The following C8orf34 variants were observed in gnomAD, a reference collection of about 807,000 sequenced individuals.
C8orf34 encodes the protein chromosome 8 open reading frame 34, also known as uncharacterized protein C8orf34.
C8orf34 carries 65 observed loss-of-function variants against 68.3 expected under a neutral mutation model. The ratio of observed to expected loss-of-function variants is 0.95; its 90% CI spans 0.78 to 1.17. The LOEUF is 1.17. Ranked by LOEUF, C8orf34 falls within the 50% of genes most tolerant of loss-of-function variation. The pLI, the probability that C8orf34 is intolerant of heterozygous loss-of-function variation, is 0.00. For missense variants in C8orf34, 664 were observed against 655.4 expected, an observed-to-expected ratio of 1.01 and a Z score of -0.14; for synonymous variants, 244 against 241.2, an observed-to-expected ratio of 1.01 and a Z score of -0.11.
chr8:68,756,247 A>AT (rs1268213804), intron 10 of C8orf34, among the ~76,000 whole-genome samples: 2 of 152,044 alleles, frequency 1.3e-5, no homozygotes, highest in Non-Finnish European at 2.9e-5. Context: ...CAGGGACTTT[A>AT]TTTTTCCTAC....
rs541864356 is a variant in C8orf34 at position 68,780,948 on chromosome 8, A to G, written c.1455+4499A>G. Among the ~76,000 whole-genome samples the G allele has an allele frequency of 3.3e-5, 5 of 152,330 alleles. No individual in the cohort carries two copies. In the South Asian group the frequency reaches 8.3e-4, roughly 25 times the overall value. On this transcript the variant is annotated intron_variant, in intron 11 of 13. Transcript: ENST00000518698. Reference sequence around the variant, plus strand: ...TGGAAGCAGTCCATTACATGTATCCAGAGTGGAGTGTGACTTTGTTTGTTT... The same window carrying G: ...TGGAAGCAGTCCATTACATGTATCCGGAGTGGAGTGTGACTTTGTTTGTTT...
At chr8:68,768,185 A>G (rs1270730790) in intron 10 of C8orf34, among the ~76,000 whole-genome samples, 1 of 152,102 alleles carries the variant, frequency 6.6e-6, no homozygotes, top group African/African-American at 2.4e-5. Flanking sequence ...AGCTCCTTCA[A>G]GTTTGTTTAT....
At chr8:68,729,594 G>A (rs1821925106) in intron 10 of C8orf34, among the ~76,000 whole-genome samples, 1 of 151,966 alleles carries the variant, frequency 6.6e-6, no homozygotes, top group Non-Finnish European at 1.5e-5. Flanking sequence ...CTATACATTT[G>A]ATTCCAGGTG....
At position 68,461,594 on chromosome 8, in the gene C8orf34, C is replaced by T. The variant is rs544174255; in HGVS notation, c.608-7098C>T. ...CCCATCAGACTAAGAGCGGATCTCT[C>T]GGCAGAAACTCTACAAGCCAGAAGA... On this transcript the variant is annotated intron_variant, in intron 3 of 13. Coordinates refer to ENST00000518698, the MANE Select transcript of C8orf34 (RefSeq NM_052958.4). Among the ~76,000 whole-genome samples the T allele has an allele frequency of 3.5e-4, 53 of 152,158 alleles. 1 individual carries two copies. The highest frequency in any genetic ancestry group is 5.6e-4 in the Non-Finnish European group (38 of 68,032).
intron 12 of C8orf34, among the ~76,000 whole-genome samples, chr8:68,810,422 G>A (rs1377432883): frequency 6.6e-6 from 1 of 152,294 alleles, no homozygotes; most frequent in East Asian, 1.9e-4. Context: ...GAACCACAGA[G>A]CCCCAAAGAG....
chr8:68,497,274 A>T (rs1024153682), intron 5 of C8orf34, among the ~76,000 whole-genome samples: 2 of 152,322 alleles, frequency 1.3e-5, no homozygotes, highest in African/African-American at 2.4e-5. Context: ...ACATAAAAAG[A>T]TGCTCAGCTT....
chr8:68,402,732 G>C (rs1397659357), intron 1 of C8orf34, among the ~76,000 whole-genome samples: 1 of 152,020 alleles, frequency 6.6e-6, no homozygotes, highest in Non-Finnish European at 1.5e-5. Context: ...AGTTCCTCTT[G>C]ATATTGAGTT....
At chr8:68,658,202 G>GT (rs1006963980) in intron 8 of C8orf34, among the ~76,000 whole-genome samples, 2 of 151,972 alleles carry the variant, frequency 1.3e-5, no homozygotes, top group Non-Finnish European at 2.9e-5. Flanking sequence ...CAATTTACTT[G>GT]TTTTTTCTGT....
At chr8:68,747,463 C>T (rs1293649410) in intron 10 of C8orf34, among the ~76,000 whole-genome samples, 1 of 145,668 alleles carries the variant, frequency 6.9e-6, no homozygotes, top group Non-Finnish European at 1.5e-5. Flanking sequence ...TTGTAGACGA[C>T]ATGATTGTAT....
At chr8:68,794,512 T>A (rs1269624717) in intron 12 of C8orf34, among the ~76,000 whole-genome samples, 17 of 127,360 alleles carry the variant, frequency 1.3e-4, no homozygotes, top group Admixed American at 9.9e-4. Flanking sequence ...TATATTTTTT[T>A]TTTTTTTTTT....
chr8:68,353,138 G>A (rs1006672940), intron 1 of C8orf34, among the ~76,000 whole-genome samples: 4 of 151,992 alleles, frequency 2.6e-5, no homozygotes, highest in African/African-American at 9.7e-5. Flanking sequence ...CATGAGCCTG[G>A]GAGTTTGACA....
intron 8 of C8orf34, among the ~76,000 whole-genome samples, chr8:68,675,424 C>G (rs1348847126): frequency 6.6e-6 from 1 of 151,836 alleles, no homozygotes; most frequent in African/African-American, 2.4e-5. Flanking sequence ...AGTGGAGAGA[C>G]AAAGTTAAAA....
rs562903853 is a variant in C8orf34 at position 68,680,854 on chromosome 8, G to T, written c.1242-28140G>T. On this transcript the variant is annotated intron_variant, in intron 8 of 13. Coordinates refer to ENST00000518698, the MANE Select transcript of C8orf34 (RefSeq NM_052958.4). ...TTTTTCCCCACCCTACTAAGCCTGA[G>T]GGTACTGCAGGAGACCAGGGCGTAT... Among the ~76,000 whole-genome samples, 79 of 152,148 alleles carry T rather than the reference G, an allele frequency of 5.2e-4. 1 individual carries two copies. The South Asian group carries it at 0.016, about 30-fold the overall frequency.
chr8:68,581,687 G>T (rs1817068843), intron 7 of C8orf34, among the ~76,000 whole-genome samples: 1 of 152,172 alleles, frequency 6.6e-6, no homozygotes, highest in Admixed American at 6.6e-5. Context: ...CTACTGCCAA[G>T]TTAGAGCTGT....
At chr8:68,718,222 T>C (rs1821532690) in intron 9 of C8orf34, among the ~76,000 whole-genome samples, 1 of 152,204 alleles carries the variant, frequency 6.6e-6, no homozygotes, top group Non-Finnish European at 1.5e-5. Context: ...AGTTTTCTTA[T>C]GTTACCCATC....
rs141602980 is a variant in C8orf34, at chr8:68,440,615, C to G, written c.475+969C>G. Among the ~76,000 whole-genome samples the G allele has an allele frequency of 9.3e-4, 141 of 152,148 alleles. 2 individuals carry two copies. The highest frequency in any genetic ancestry group is 3.2e-3 in the African/African-American group (134 of 41,528). On this transcript the variant is annotated intron_variant, in intron 2 of 13. Transcript: ENST00000518698. ...GAAACTCTTACTTGTCTTACTTTTT[C>G]TTGGCCTTAACTTTCTTGGGTTTAG...
rs1254332465 is a variant in C8orf34 at position 68,395,357 on chromosome 8, TCTCTCACACACACACACA to T, written c.328-44140_328-44123del. 3.8e-3 allele frequency among the ~76,000 whole-genome samples: 528 copies of T among 137,880 alleles called. 1 individual carries two copies. The highest frequency in any genetic ancestry group is 0.019 in the South Asian group (80 of 4,276). The allele number at this position is 137,880 out of a possible 152,430, so 90.5% of individuals were successfully genotyped here. A position where few individuals can be genotyped will look rare whatever the true frequency, so the allele number is the denominator to read the frequency against. On this transcript the variant is annotated intron_variant, in intron 1 of 13. Transcript: ENST00000518698. Reference sequence around the variant, plus strand: ...TGCACTCTCTCTTTCTCTCTGTGTGTCTCTCACACACACACACACACACACACACACACACACACAAAC... The same window carrying T: ...TGCACTCTCTCTTTCTCTCTGTGTGTCACACACACACACACACACACAAAC...
intron 1 of C8orf34, among the ~76,000 whole-genome samples, chr8:68,424,749 A>C (rs1810135051): frequency 6.6e-6 from 1 of 152,024 alleles, no homozygotes; most frequent in South Asian, 2.1e-4. Flanking sequence ...AAATACAAAA[A>C]ATTAGCTGGG....
intron 8 of C8orf34, among the ~76,000 whole-genome samples, chr8:68,681,272 A>G (rs1030874577): frequency 1.3e-5 from 2 of 151,744 alleles, no homozygotes; most frequent in Non-Finnish European, 2.9e-5. Flanking sequence ...TAACAGGATT[A>G]AGAGATTAAA....
Sources: allele counts gnomAD v4.1 joint callset (sites outside exome capture counted in the v4.1 genomes callset), GRCh38; gene constraint gnomAD v4.1.1; transcripts MANE v1.5; gene names NCBI Gene and HGNC (gene_info 2026-07-23, HGNC 2026-07-21).